The following GPM6B variants were observed in gnomAD, a reference collection of about 807,000 sequenced individuals.
The protein encoded by GPM6B is neuronal membrane glycoprotein M6-b.
Under a neutral mutation model 27.2 loss-of-function variants are expected in GPM6B, and 4 were observed. That is an observed-to-expected ratio of 0.15 (90% CI 0.07 to 0.34). The LOEUF (loss-of-function observed/expected upper bound fraction) is 0.34, where lower values mean the gene tolerates loss of function less well. Ranked by LOEUF, GPM6B falls within the 10% of genes least tolerant of loss-of-function variation. GPM6B has a pLI of 1.00. For missense variants in GPM6B, 183 were observed against 261.9 expected (o/e 0.70, Z 2.08); for synonymous variants, 124 against 103.1 (o/e 1.20, Z -1.23).
At chrX:13,821,028 G>A (rs900675669), upstream of GPM6B, among the ~76,000 whole-genome samples, 1 of 111,400 alleles carries the variant, frequency 9.0e-6, no homozygotes, top group Non-Finnish European at 1.9e-5. Context: ...CATGAAATTC[G>A]AGAAAGGTTC....
At chrX:13,923,997 G>A (rs1287193953) in intron 1 of GPM6B, among the ~76,000 whole-genome samples, 2 of 112,370 alleles carry the variant, frequency 1.8e-5, no homozygotes, top group Admixed American at 9.4e-5. Context: ...GAGTGGCACT[G>A]TGGGTCTTCC....
chrX:13,842,819 AAT>A (rs766175788), intron 1 of GPM6B, among the ~76,000 whole-genome samples: 157 of 112,211 alleles, frequency 1.4e-3, no homozygotes, highest in Non-Finnish European at 2.4e-3. Context: ...CCCAGATTAA[AAT>A]ATGAGTCAAT....
intron 2 of GPM6B, among the ~76,000 whole-genome samples, chrX:13,801,522 T>A (rs900087779): frequency 2.7e-5 from 3 of 112,373 alleles, no homozygotes; most frequent in African/African-American, 9.7e-5. Flanking sequence ...ATGGCAAATA[T>A]TTTTGGCTTT....
At chrX:13,899,203 G>A (rs1451730915) in intron 1 of GPM6B, among the ~76,000 whole-genome samples, 1 of 109,378 alleles carries the variant, frequency 9.1e-6, no homozygotes, top group Non-Finnish European at 1.9e-5. Flanking sequence ...TTGAGCTCAG[G>A]AGTTCAAGAC....
intron 1 of GPM6B, among the ~76,000 whole-genome samples, chrX:13,814,377 T>TA (rs1488797855): frequency 8.9e-6 from 1 of 111,842 alleles, no homozygotes; most frequent in Non-Finnish European, 1.9e-5. Flanking sequence ...TATATGTGCA[T>TA]AAAAAACTCT....
chrX:13,781,908 G>GT (rs1267035427), intron 4 of GPM6B, among the ~76,000 whole-genome samples: 7 of 111,823 alleles, frequency 6.3e-5, no homozygotes, highest in Non-Finnish European at 1.3e-4. Context: ...ATACTTTTGG[G>GT]TTCACAGGAC....
chrX:13,774,482 G>C (rs765740629), intron 7 of GPM6B: 20 of 1,203,652 alleles, frequency 1.7e-5, no homozygotes, highest in South Asian at 5.3e-5. Context: ...CTCTGCTTTA[G>C]TCTGGAGTGT....
At chrX:13,879,754 C>T (rs1311614596) in intron 1 of GPM6B, among the ~76,000 whole-genome samples, 5 of 112,156 alleles carry the variant, frequency 4.5e-5, no homozygotes, top group Non-Finnish European at 9.4e-5. Flanking sequence ...CAGCAAAAAA[C>T]AGGGATTCCC....
chrX:13,870,438 G>T (rs993881660), intron 1 of GPM6B, among the ~76,000 whole-genome samples: 1 of 112,409 alleles, frequency 8.9e-6, no homozygotes, highest in African/African-American at 3.2e-5. Flanking sequence ...GTCTGAGGGA[G>T]GAATTCCCCA....
chrX:13,793,830 T>C (rs997472304), intron 2 of GPM6B, among the ~76,000 whole-genome samples: 18 of 111,152 alleles, frequency 1.6e-4, no homozygotes, highest in African/African-American at 5.2e-4. Context: ...GAGCACTCAG[T>C]GTTATATAGC....
chrX:13,870,315 T>C (rs1002845621), intron 1 of GPM6B, among the ~76,000 whole-genome samples: 1 of 112,613 alleles, frequency 8.9e-6, no homozygotes, highest in Admixed American at 9.4e-5. Flanking sequence ...CCAGATATAA[T>C]GTCAGTCTCT....
At chrX:13,812,553 C>T (rs1033149493) in intron 1 of GPM6B, among the ~76,000 whole-genome samples, 8 of 111,433 alleles carry the variant, frequency 7.2e-5, no homozygotes, top group African/African-American at 2.6e-4. Context: ...TTGTAACAAT[C>T]CAATCCAATC....
chrX:13,857,953 C>T (rs1483970896), intron 1 of GPM6B, among the ~76,000 whole-genome samples: 1 of 112,428 alleles, frequency 8.9e-6, no homozygotes, highest in African/African-American at 3.2e-5. Context: ...ACTACGACTG[C>T]CTTCCATGTG....
chrX:13,781,513 G>A (rs182551453), intron 4 of GPM6B, among the ~76,000 whole-genome samples: 86 of 111,760 alleles, frequency 7.7e-4, no homozygotes, highest in African/African-American at 2.7e-3. Context: ...TGAGACAAAT[G>A]CATATCTGAT....
intron 1 of GPM6B, among the ~76,000 whole-genome samples, chrX:13,849,389 T>G (rs1313377993): frequency 8.9e-6 from 1 of 112,709 alleles, no homozygotes; most frequent in Non-Finnish European, 1.9e-5. Context: ...TTTGACATAA[T>G]CACACACTGC....
chrX:13,874,052 G>A (rs1355382085), intron 1 of GPM6B, among the ~76,000 whole-genome samples: 1 of 111,139 alleles, frequency 9.0e-6, no homozygotes, highest in Non-Finnish European at 1.9e-5. Flanking sequence ...ATTTCAAATT[G>A]AGCTGCCAGC....
intron 1 of GPM6B, among the ~76,000 whole-genome samples, chrX:13,920,338 C>T (rs1287455242): frequency 3.7e-5 from 4 of 107,023 alleles, no homozygotes; most frequent in Non-Finnish European, 7.7e-5. Context: ...TTTATTTGTC[C>T]TACTTCAGTA....
chrX:13,862,765 C>G (rs2049867373), intron 1 of GPM6B, among the ~76,000 whole-genome samples: 1 of 111,552 alleles, frequency 9.0e-6, no homozygotes, highest in African/African-American at 3.3e-5. Context: ...CGGCTCACTA[C>G]AGCCTTGACT....
intron 1 of GPM6B, among the ~76,000 whole-genome samples, chrX:13,934,017 A>T (rs759645407): frequency 9.0e-6 from 1 of 111,047 alleles, no homozygotes; most frequent in African/African-American, 3.3e-5. Flanking sequence ...TCCCTTTGGC[A>T]TTTTCAATAA....
Sources: gnomAD v4.1 joint callset for allele counts (sites outside exome capture counted in the v4.1 genomes callset) on GRCh38, gnomAD v4.1.1 for gene constraint, MANE v1.5 for transcripts, NCBI Gene and HGNC (gene_info 2026-07-23, HGNC 2026-07-21) for gene names.